Variants in RFWD3 observed in about 807,000 individuals in gnomAD.
RFWD3 encodes the protein E3 ubiquitin-protein ligase RFWD3.
A neutral mutation model predicts 87.7 loss-of-function variants in RFWD3; 65 were observed. That is an observed-to-expected ratio of 0.74 (90% CI 0.61 to 0.91). RFWD3 has a LOEUF of 0.91. RFWD3 is among the 40% of genes least tolerant of loss of function. RFWD3 has a pLI of 0.00. For missense variants in RFWD3, 1,078 were observed against 938.5 expected, an observed-to-expected ratio of 1.15 and a Z score of -1.94; for synonymous variants, 433 against 352.8, an observed-to-expected ratio of 1.23 and a Z score of -2.55.
rs1411833182 is a variant in RFWD3, at chr16:74,644,630, G to A, written c.898C>T (p.His300Tyr). 5 of 1,614,168 alleles carry A rather than the reference G, an allele frequency of 3.1e-6. No individual in the cohort carries two copies. Among genetic ancestry groups the A allele is most frequent in the Non-Finnish European group, 4.2e-6 (5 of 1,180,044 alleles). The change falls in exon 5 of 13, where the codon CAC becomes TAC. Residue 300 changes from histidine (H) to tyrosine (Y), a missense_variant. Coordinates refer to ENST00000361070, the MANE Select transcript of RFWD3 (RefSeq NM_018124.4). ...CLEQWTNAGD[H>Y]RLSALRCGHL... Reference sequence around the variant, plus strand: ...CCACAGCGTAATGCTGAGAGCCGGTGGTCCCCAGCATTGGTCCACTGTTCC... The same window carrying A: ...CCACAGCGTAATGCTGAGAGCCGGTAGTCCCCAGCATTGGTCCACTGTTCC...
In RFWD3 at chr16:74,632,582, G is replaced by A. The variant is rs755848003; in HGVS notation, c.1518C>T (p.Ser506=). The A allele has an allele frequency of 6.2e-7, 1 of 1,614,108 alleles. No individual in the cohort carries two copies. The highest frequency in any genetic ancestry group is 8.5e-7 in the Non-Finnish European group (1 of 1,179,984). ...AGAGTAGCAAGCCTCTGAGGTAACT[G>A]CTAAACGCCAGTCCACGGATCTGTT... ...HGKQIRGLAF[S]SYLRGLLLSA... Residue 506 remains serine, a synonymous_variant, in exon 9 of 13, where the codon AGC becomes AGT. Transcript: ENST00000361070.
At chr16:74,657,602 A>G (rs1188924506) in intron 2 of RFWD3, among the ~76,000 whole-genome samples, 1 of 150,880 alleles carries the variant, frequency 6.6e-6, no homozygotes, top group Non-Finnish European at 1.5e-5. Context: ...CAGTCTCCTG[A>G]GCAGCTGGGA....
rs1409696935 is a variant in RFWD3, at chr16:74,638,293, G to C, written c.1080-323C>G. ...ACATGTTAAAAGGCCAAGGTTACTG[G>C]ATTAAAAAGGAAACAGTAAGCTGTT... On this transcript the variant is annotated intron_variant, in intron 6 of 12. Transcript: ENST00000361070. Among the ~76,000 whole-genome samples, 3 of 152,176 alleles carry C rather than the reference G, an allele frequency of 2.0e-5. 1 individual carries two copies. The highest frequency in any genetic ancestry group is 2.0e-4 in the Admixed American group (3 of 15,258).
At chr16:74,654,544 T>C (rs1960820478) in intron 2 of RFWD3, among the ~76,000 whole-genome samples, 1 of 152,052 alleles carries the variant, frequency 6.6e-6, no homozygotes, top group Non-Finnish European at 1.5e-5. Context: ...GACAAAACAA[T>C]ACTGAAATTA....
chr16:74,633,805 C>A (rs1206203233), intron 8 of RFWD3, among the ~76,000 whole-genome samples: 3 of 152,002 alleles, frequency 2.0e-5, no homozygotes, highest in Middle Eastern at 6.8e-3. Context: ...TGAGAATTAG[C>A]TGGGCGTAGT....
At chr16:74,626,299 G>A (rs751941595) in intron 12 of RFWD3, 44 bp downstream of exon 12, 1 of 1,568,950 alleles carries the variant, frequency 6.4e-7, no homozygotes. Flanking sequence ...AATATTTTAA[G>A]CAAAACTACT....
At chr16:74,633,999 T>A (rs988771080) in intron 8 of RFWD3, among the ~76,000 whole-genome samples, 1 of 151,012 alleles carries the variant, frequency 6.6e-6, no homozygotes, top group Non-Finnish European at 1.5e-5. Context: ...AAAAAAAAAA[T>A]TAAAGTTATC....
chr16:74,654,190 TTTGAG>T (rs1960791279), intron 2 of RFWD3, among the ~76,000 whole-genome samples: 2 of 152,324 alleles, frequency 1.3e-5, no homozygotes, highest in Non-Finnish European at 2.9e-5. Flanking sequence ...ATTTTAGTAT[TTTGAG>T]TCTTCTCTAT....
chr16:74,635,471 GAA>G (rs5817920), intron 8 of RFWD3, among the ~76,000 whole-genome samples: 36 of 143,700 alleles, frequency 2.5e-4, no homozygotes, highest in East Asian at 2.0e-3. Flanking sequence ...CATCTCAAAA[GAA>G]AAAAAAAAAA....
intron 4 of RFWD3, among the ~76,000 whole-genome samples, chr16:74,645,346 C>A (rs8047350): frequency 0.16 from 24,473 of 152,176 alleles, 2,679 homozygotes; most frequent in East Asian, 0.39. Flanking sequence ...GCTAGAGATA[C>A]CTCATGGATA....
Position 74,626,323 on chromosome 16 carries a change from TA to T in RFWD3, c.2181+19del. The T allele has an allele frequency of 1.2e-6, 2 of 1,602,924 alleles. No individual in the cohort carries two copies. The highest frequency in any genetic ancestry group is 1.7e-6 in the Non-Finnish European group (2 of 1,170,768). On this transcript the variant is annotated intron_variant, in intron 12 of 12. Coordinates refer to ENST00000361070, the MANE Select transcript of RFWD3 (RefSeq NM_018124.4). ...AGCAAAACTACTTTTTATATGAAAGTAAAAAAGTAACAGGCTCACCAGGGCA... is the reference window on the plus strand; with the variant it reads ...AGCAAAACTACTTTTTATATGAAAGTAAAAAGTAACAGGCTCACCAGGGCA...
chr16:74,658,127 T>C (rs944038662), intron 2 of RFWD3, among the ~76,000 whole-genome samples: 1 of 152,058 alleles, frequency 6.6e-6, no homozygotes, highest in East Asian at 1.9e-4. Context: ...CCCAAGAAAT[T>C]CTCCTCCTTC....
intron 1 of RFWD3, among the ~76,000 whole-genome samples, chr16:74,662,214 T>C (rs1049052975): frequency 3.9e-5 from 6 of 152,184 alleles, no homozygotes; most frequent in African/African-American, 1.4e-4. Context: ...TGCCTGGCCT[T>C]ACCTCCTCAT....
At chr16:74,630,099 A>AT (rs573477294) in intron 10 of RFWD3, among the ~76,000 whole-genome samples, 37 of 148,122 alleles carry the variant, frequency 2.5e-4, no homozygotes, top group South Asian at 1.5e-3. Context: ...ACATGTGGCT[A>AT]TTTTTTTTTT....
intron 6 of RFWD3, among the ~76,000 whole-genome samples, chr16:74,638,831 T>C (rs777876447): frequency 4.6e-5 from 7 of 152,298 alleles, no homozygotes; most frequent in East Asian, 3.9e-4. Flanking sequence ...GAGAAACATG[T>C]TGTTAGGTGA....
At chr16:74,625,722 C>T (rs562533741) in intron 12 of RFWD3, among the ~76,000 whole-genome samples, 1 of 152,342 alleles carries the variant, frequency 6.6e-6, no homozygotes, top group East Asian at 1.9e-4. Flanking sequence ...GCGCTAGCTT[C>T]TAGAGTGGCA....
chr16:74,630,289 G>T (rs938044435), intron 10 of RFWD3, among the ~76,000 whole-genome samples: 1 of 152,134 alleles, frequency 6.6e-6, no homozygotes, highest in East Asian at 1.9e-4. Flanking sequence ...CAGTAGAGAC[G>T]GGGTTTTACC....
At chr16:74,631,350 T>C (rs1463987874) in intron 9 of RFWD3, among the ~76,000 whole-genome samples, 1 of 152,086 alleles carries the variant, frequency 6.6e-6, no homozygotes, top group East Asian at 1.9e-4. Context: ...CATGCACCTG[T>C]AATCCCAGCT....
At chr16:74,629,660 A>T (rs946449118) in intron 10 of RFWD3, among the ~76,000 whole-genome samples, 3 of 146,184 alleles carry the variant, frequency 2.1e-5, no homozygotes, top group African/African-American at 7.5e-5. Context: ...AACCACTACC[A>T]CCAACAAAAA....
Sources: allele counts gnomAD v4.1 joint callset (sites outside exome capture counted in the v4.1 genomes callset), GRCh38; gene constraint gnomAD v4.1.1; transcripts MANE v1.5; gene names NCBI Gene and HGNC (gene_info 2026-07-23, HGNC 2026-07-21).